AP3B2: variants seen among roughly 807,000 people sequenced by gnomAD.
AP3B2 encodes AP-3 complex subunit beta-2.
AP3B2 carries 50 observed loss-of-function variants against 126.9 expected under a neutral mutation model. The ratio of observed to expected loss-of-function variants is 0.39; its 90% CI spans 0.31 to 0.50. The LOEUF is 0.50. Among genes scored for constraint, AP3B2 ranks in the 20% least tolerant of loss-of-function variants. The pLI, the probability that AP3B2 is intolerant of heterozygous loss-of-function variation, is 0.79. For missense variants in AP3B2, 1,177 were observed against 1,426.4 expected (o/e 0.83, Z 2.82); for synonymous variants, 541 against 565.0 (o/e 0.96, Z 0.60).
intron 14 of AP3B2, among the ~76,000 whole-genome samples, chr15:82,676,050 T>C (rs1412543783): frequency 6.6e-6 from 1 of 152,048 alleles, no homozygotes; most frequent in Non-Finnish European, 1.5e-5. Flanking sequence ...CACCCCCTTA[T>C]CTTTGGCACA....
chr15:82,691,599 TC>T, intron 1 of AP3B2: 2 of 763,444 alleles, frequency 2.6e-6, no homozygotes, highest in Non-Finnish European at 3.6e-6. Context: ...TTTTTTTTCT[TC>T]TTTAAAAAAA....
intron 1 of AP3B2, chr15:82,692,383 C>G (rs891966693): frequency 4.0e-5 from 20 of 504,462 alleles, no homozygotes; most frequent in Non-Finnish European, 5.9e-5. Context: ...GCCCCCTCCC[C>G]GCAATCCCCC....
In AP3B2 at chr15:82,667,042, G is replaced by A. The variant is rs544241332; in HGVS notation, c.1666-109C>T. On this transcript the variant is annotated intron_variant, in intron 14 of 26. Transcript: ENST00000535359. ...TTCAGGCAGAACGTCTCCTCTCCCT[G>A]CTTAGGACCGGCGCTTCCACCCAGC... 1,720 of 1,153,458 alleles carry A rather than the reference G, an allele frequency of 1.5e-3. 6 individuals carry two copies. Among genetic ancestry groups the A allele is most frequent in the Non-Finnish European group, 1.9e-3 (1,511 of 811,966 alleles). 71.5% of individuals were successfully genotyped at this position (1,153,458 alleles called of 1,614,324 possible).
At chr15:82,678,199 G>A (rs2048276459) in intron 10 of AP3B2, 32 bp from the exon 11 acceptor site, 1 of 1,609,358 alleles carries the variant, frequency 6.2e-7, no homozygotes, top group Non-Finnish European at 8.5e-7. Flanking sequence ...CAGAAAATGG[G>A]TGGGTTGGCC....
chr15:82,695,787 G>A (rs1337618178), intron 1 of AP3B2, among the ~76,000 whole-genome samples: 4 of 152,228 alleles, frequency 2.6e-5, no homozygotes, highest in African/African-American at 9.6e-5. Flanking sequence ...AAGTATAGCT[G>A]ACAACTTACC....
chr15:82,664,979 A>T lies in AP3B2; in HGVS notation c.2029-36T>A. ...GGGTAGGGTGCAGGGTCATTTCATC[A>T]TGGTTGGGGAGAAGGCAGGCAGGCA... On this transcript the variant is annotated intron_variant, in intron 17 of 26. Transcript: ENST00000535359. This position sits in a 1 kb window ranked among gnomAD's most constrained non-coding sequence, Gnocchi z 4.5. 6.7e-7 allele frequency: 1 copy of T among 1,493,220 alleles called. No individual in the cohort carries two copies. The allele number at this position is 1,493,220 out of a possible 1,614,324, so 92.5% of individuals were successfully genotyped here.
chr15:82,690,231 C>CTT (rs957094376), intron 1 of AP3B2, among the ~76,000 whole-genome samples: 1 of 143,120 alleles, frequency 7.0e-6, no homozygotes, highest in South Asian at 2.2e-4. Context: ...AATTGTTGTA[C>CTT]TTTTTTTTTT....
chr15:82,659,657 G>T lies in AP3B2; in HGVS notation c.3209C>A (p.Ala1070Asp). 1 of 1,613,952 alleles carries T rather than the reference G, an allele frequency of 6.2e-7. No homozygotes were observed. Among genetic ancestry groups the T allele is most frequent in the Non-Finnish European group, 8.5e-7 (1 of 1,179,880 alleles). The change falls in exon 27 of 27, where the codon GCC becomes GAC. Residue 1070 changes from alanine (A) to aspartate (D), a missense_variant. Coordinates refer to ENST00000535359, the MANE Select transcript of AP3B2 (RefSeq NM_001278512.2). ...CAGCTGGGCAGCTCCAGCTGGCCGG[G>T]CATCCAGGGTCAGCAGAACGAGGCT... ...GGSLVLLTLD[A>D]RPAGAAQLTV...
intron 4 of AP3B2, among the ~76,000 whole-genome samples, chr15:82,683,503 C>T (rs1173163761): frequency 6.6e-6 from 1 of 152,116 alleles, no homozygotes; most frequent in Non-Finnish European, 1.5e-5. Context: ...AGAATTCCAC[C>T]ACATATGTAG....
At chr15:82,666,315 T>A (rs1188170650) in intron 15 of AP3B2, among the ~76,000 whole-genome samples, 1 of 152,256 alleles carries the variant, frequency 6.6e-6, no homozygotes, top group East Asian at 1.9e-4. Context: ...TTGGACTGAC[T>A]GTAGTGACTA....
In AP3B2 at chr15:82,683,047, G is replaced by GTTTTTTTTTTT. The variant is rs61213011; in HGVS notation, c.361-1478_361-1468dup. On this transcript the variant is annotated intron_variant, in intron 4 of 26. Transcript: ENST00000535359. ...AATGTTCACAGCATCTGCACCAGGA[G>GTTTTTTTTTTT]TTTTTTTTTTTTTTTTTTTTTTTTT... Among the ~76,000 whole-genome samples the GTTTTTTTTTTT allele has an allele frequency of 1.7e-3, 133 of 77,726 alleles. 22 individuals carry two copies. The highest frequency in any genetic ancestry group is 2.0e-3 in the Non-Finnish European group (81 of 39,600). 51.0% of individuals were successfully genotyped at this position (77,726 alleles called of 152,430 possible). A position where few individuals can be genotyped will look rare whatever the true frequency, so the allele number is the denominator to read the frequency against.
At chr15:82,676,734 G>C in intron 13 of AP3B2, 97 bp from the exon 14 acceptor site, 1 of 1,276,044 alleles carries the variant, frequency 7.8e-7, no homozygotes, top group Non-Finnish European at 1.1e-6. Flanking sequence ...CATCTGTGCT[G>C]GCCTGTTGTA....
intron 1 of AP3B2, chr15:82,692,151 C>A: frequency 6.7e-7 from 1 of 1,492,626 alleles, no homozygotes; most frequent in South Asian, 1.2e-5. Context: ...CCGACACTGG[C>A]CATAATCATA....
intron 10 of AP3B2, among the ~76,000 whole-genome samples, chr15:82,678,697 A>T (rs2048283048): frequency 6.6e-6 from 1 of 152,198 alleles, no homozygotes; most frequent in South Asian, 2.1e-4. Flanking sequence ...CTGGCACCAG[A>T]CTAGATGAGG....
Position 82,659,651 on chromosome 15 carries a change from G to A in AP3B2, c.3215C>T (p.Pro1072Leu). 6.2e-7 allele frequency: 1 copy of A among 1,613,912 alleles called. No homozygotes were observed. The highest frequency in any genetic ancestry group is 8.5e-7 in the Non-Finnish European group (1 of 1,179,864). ...GACAGTCAGCTGGGCAGCTCCAGCT[G>A]GCCGGGCATCCAGGGTCAGCAGAAC... ...SLVLLTLDARPAGAAQLTVNS... is the reference protein window; with the variant it reads ...SLVLLTLDARLAGAAQLTVNS... The change falls in exon 27 of 27, where the codon CCA (proline) becomes CTA (leucine). Residue 1072 changes from proline (P) to leucine (L), a missense_variant. Pro to Leu is a moderately conservative substitution (Grantham distance 98). This residue lies in a region of AP3B2 where 587 missense variants were observed against 571.3 expected (regional missense o/e 1.03). Coordinates refer to ENST00000535359, the MANE Select transcript of AP3B2 (RefSeq NM_001278512.2).
intron 4 of AP3B2, chr15:82,685,890 G>A (rs1436886721): frequency 6.6e-6 from 1 of 151,994 alleles, no homozygotes; most frequent in Admixed American, 6.6e-5. Context: ...GCACATGAAA[G>A]GTGTTATTTA....
chr15:82,692,872 GTTTC>G (rs1325958067), intron 1 of AP3B2: 1 of 151,464 alleles, frequency 6.6e-6, no homozygotes, highest in African/African-American at 2.4e-5. Context: ...CAATACACAG[GTTTC>G]TTTTTTTTTT....
At chr15:82,695,699 T>C (rs2048620527) in intron 1 of AP3B2, among the ~76,000 whole-genome samples, 1 of 152,150 alleles carries the variant, frequency 6.6e-6, no homozygotes, top group Non-Finnish European at 1.5e-5. Flanking sequence ...AAAGTTTCCC[T>C]GAGTTCTGTG....
intron 24 of AP3B2, 53 bp from the exon 25 acceptor site, chr15:82,661,975 C>A: frequency 6.6e-7 from 1 of 1,514,994 alleles, no homozygotes; most frequent in Non-Finnish European, 9.1e-7. Flanking sequence ...TCTCTCCCCT[C>A]ACTTCCCACC....
Sources: gnomAD v4.1 joint callset for allele counts (sites outside exome capture counted in the v4.1 genomes callset) on GRCh38, gnomAD v4.1.1 for gene constraint, gnomAD v4.1.1 regional missense constraint, Gnocchi (gnomAD v3.1) non-coding constraint, MANE v1.5 for transcripts, NCBI Gene and HGNC (gene_info 2026-07-23, HGNC 2026-07-21) for gene names.